PCDHGA1: variants seen among roughly 807,000 people sequenced by gnomAD.
PCDHGA1 encodes protocadherin gamma-A1.
Under a neutral mutation model 58.0 loss-of-function variants are expected in PCDHGA1, and 32 were observed. The observed-to-expected ratio is 0.55, with a 90% CI of 0.42 to 0.74. The LOEUF (loss-of-function observed/expected upper bound fraction) is 0.74, where lower values mean the gene tolerates loss of function less well. Among genes scored for constraint, PCDHGA1 ranks in the 30% least tolerant of loss-of-function variants. The pLI is 0.00. For missense variants in PCDHGA1, 1,205 were observed against 1,182.3 expected (o/e 1.02, Z -0.28); for synonymous variants, 498 against 501.1 (o/e 0.99, Z 0.08).
rs758405089 is a variant in PCDHGA1 at position 141,383,617 on chromosome 5, C to T, written c.2421+50512C>T. 5.1e-5 allele frequency: 82 copies of T among 1,613,734 alleles called. No homozygotes were observed. The Admixed American group carries it at 9.0e-4, about 18-fold the overall frequency. On this transcript the variant is annotated intron_variant, in intron 1 of 3. Coordinates refer to ENST00000517417, the MANE Select transcript of PCDHGA1 (RefSeq NM_018912.3). ...AGTGGTGGATGTGAATGACCACACG[C>T]CTGTCTTCTCTCTGCCTCAGTACCA...
chr5:141,485,466 T>C lies in PCDHGA1; in HGVS notation c.2422-9341T>C, dbSNP rs1485922901. ...ATCGACCGAGAGGCACTGTGTGGGC[T>C]CAGTGCCAGCTGCATCGTGCCCCTG... On this transcript the variant is annotated intron_variant, in intron 1 of 3. Transcript: ENST00000517417. The surrounding 1 kb of genome is among the most constrained non-coding windows in gnomAD (Gnocchi z 5.7). 6.2e-7 allele frequency: 1 copy of C among 1,613,868 alleles called. No individual in the cohort carries two copies. Among genetic ancestry groups the C allele is most frequent in the Non-Finnish European group, 8.5e-7 (1 of 1,179,924 alleles).
In PCDHGA1 at chr5:141,380,794, G is replaced by A. The variant is rs116753480; in HGVS notation, c.2421+47689G>A. ...AGACTTTTTTAAAACAGTAGAATAA[G>A]AAACAAATGTGAGATGAAACTATGA... On this transcript the variant is annotated intron_variant, in intron 1 of 3. Transcript: ENST00000517417. Among the ~76,000 whole-genome samples, 564 of 152,260 alleles carry A rather than the reference G, an allele frequency of 3.7e-3. 3 individuals are homozygous for A. The highest frequency in any genetic ancestry group is 0.013 in the African/African-American group (534 of 41,542).
At position 141,485,682 on chromosome 5, in the gene PCDHGA1, A is replaced by T. The variant is rs779441999; in HGVS notation, c.2422-9125A>T. 6.2e-7 allele frequency: 1 copy of T among 1,613,958 alleles called. No individual in the cohort carries two copies. Among genetic ancestry groups the T allele is most frequent in the Non-Finnish European group, 8.5e-7 (1 of 1,179,972 alleles). On this transcript the variant is annotated intron_variant, in intron 1 of 3. Transcript: ENST00000517417. This position sits in a 1 kb window ranked among gnomAD's most constrained non-coding sequence, Gnocchi z 5.7. ...GTGGGGAGCAATTCGATTAGCAGCT[A>T]TAGGCTGAGCTCCAATGAACACTTT...
intron 1 of PCDHGA1, among the ~76,000 whole-genome samples, chr5:141,450,424 CTTTAA>C (rs2098679800): frequency 1.3e-5 from 2 of 152,146 alleles, no homozygotes; most frequent in East Asian, 3.9e-4. Context: ...TGTATAATGC[CTTTAA>C]TTTATATTTG....
intron 1 of PCDHGA1, among the ~76,000 whole-genome samples, chr5:141,347,396 C>T (rs1254792805): frequency 6.6e-6 from 1 of 152,026 alleles, no homozygotes; most frequent in Admixed American, 6.6e-5. Context: ...CTCAAGTGAT[C>T]TGCCCACGTC....
chr5:141,384,897 C>A, intron 1 of PCDHGA1: 1 of 1,613,922 alleles, frequency 6.2e-7, no homozygotes, highest in Non-Finnish European at 8.5e-7. Flanking sequence ...CTGTGGCTGA[C>A]AGCATCCCCG....
intron 1 of PCDHGA1, chr5:141,484,980 A>C (rs1387732109): frequency 1.7e-6 from 1 of 593,836 alleles, no homozygotes; most frequent in Admixed American, 3.1e-5. Flanking sequence ...CTGTCTGCCA[A>C]TCGGGTGGTG....
In PCDHGA1 at chr5:141,431,544, T is replaced by C. The variant is rs1409551731; in HGVS notation, c.2422-63263T>C. 1.2e-6 allele frequency: 2 copies of C among 1,614,152 alleles called. No individual in the cohort carries two copies. The highest frequency in any genetic ancestry group is 2.2e-5 in the South Asian group (2 of 91,092). ...AATCTGGCCTTGGGCACGCAGCTGC[T>C]TGTAGTCAACGCTACCGACCCTGAC... On this transcript the variant is annotated intron_variant, in intron 1 of 3. Coordinates refer to ENST00000517417, the MANE Select transcript of PCDHGA1 (RefSeq NM_018912.3). The surrounding 1 kb of genome is among the most constrained non-coding windows in gnomAD (Gnocchi z 4.8).
intron 1 of PCDHGA1, chr5:141,398,849 T>G: frequency 6.2e-7 from 1 of 1,613,874 alleles, no homozygotes; most frequent in Admixed American, 1.7e-5. Flanking sequence ...AATCCCCCGG[T>G]ATTCAACCGA....
intron 1 of PCDHGA1, chr5:141,393,401 G>C: frequency 6.2e-7 from 1 of 1,614,036 alleles, no homozygotes; most frequent in South Asian, 1.1e-5. Context: ...AGCTGGTGCT[G>C]GAGCGCGCCC....
At chr5:141,405,257 A>T (rs747554046) in intron 1 of PCDHGA1, 2 of 1,613,954 alleles carry the variant, frequency 1.2e-6, no homozygotes, top group Non-Finnish European at 1.7e-6. Flanking sequence ...GAGTCACCTG[A>T]TCTTCCCCCA....
intron 1 of PCDHGA1, among the ~76,000 whole-genome samples, chr5:141,354,179 G>A (rs1271601077): frequency 6.6e-6 from 1 of 152,076 alleles, no homozygotes; most frequent in Non-Finnish European, 1.5e-5. Context: ...ACTATTATCT[G>A]CACTTTATAG....
Position 141,492,023 on chromosome 5 carries a change from C to G in PCDHGA1, c.2422-2784C>G, listed in dbSNP as rs536734764. 1.8e-4 allele frequency: 102 copies of G among 564,804 alleles called. 3 individuals carry two copies. In the South Asian group the frequency reaches 2.8e-3, roughly 15 times the overall value. The allele number at this position is 564,804 out of a possible 1,614,324, so 35.0% of individuals were successfully genotyped here. A position where few individuals can be genotyped will look rare whatever the true frequency, so the allele number is the denominator to read the frequency against. On this transcript the variant is annotated intron_variant, in intron 1 of 3. Coordinates refer to ENST00000517417, the MANE Select transcript of PCDHGA1 (RefSeq NM_018912.3). Reference sequence around the variant, plus strand: ...CGATTTCCGCGGGTGTCGGGGGTCCCGGGAGGAGGCAGTCACAGATCCACC... The same window carrying G: ...CGATTTCCGCGGGTGTCGGGGGTCCGGGGAGGAGGCAGTCACAGATCCACC...
intron 1 of PCDHGA1, chr5:141,417,652 GCCTGGGATTC>G: frequency 2.4e-6 from 2 of 840,506 alleles, no homozygotes; most frequent in Non-Finnish European, 3.5e-6. Context: ...TCAGCCTCTA[GCCTGGGATTC>G]CCTGCGCAGC....
intron 1 of PCDHGA1, chr5:141,391,145 G>A (rs1212141265): frequency 6.6e-6 from 1 of 152,000 alleles, no homozygotes; most frequent in African/African-American, 2.4e-5. Flanking sequence ...CTACCTCTAG[G>A]AAAGAAATAT....
chr5:141,394,868 C>G lies in PCDHGA1; in HGVS notation c.2421+61763C>G, dbSNP rs1159006718. On this transcript the variant is annotated intron_variant, in intron 1 of 3. Coordinates refer to ENST00000517417, the MANE Select transcript of PCDHGA1 (RefSeq NM_018912.3). ...GTCTGAAGCCTTCGGTCGACCCGAA[C>G]GATTCGAGCCTTACACTCTATCTCG... The G allele has an allele frequency of 1.7e-5, 27 of 1,613,710 alleles. No homozygotes were observed. In the African/African-American group the frequency reaches 1.7e-4, roughly 10 times the overall value.
In PCDHGA1 at chr5:141,367,047, A is replaced by G. The variant is rs866542840; in HGVS notation, c.2421+33942A>G. Reference sequence around the variant, plus strand: ...ATTGGAACTGCAGTTCTATTAATAGAAAAGATGTTTTATTTATTCAAATTG... The same window carrying G: ...ATTGGAACTGCAGTTCTATTAATAGGAAAGATGTTTTATTTATTCAAATTG... On this transcript the variant is annotated intron_variant, in intron 1 of 3. Coordinates refer to ENST00000517417, the MANE Select transcript of PCDHGA1 (RefSeq NM_018912.3). 8 of 336,290 alleles carry G rather than the reference A, an allele frequency of 2.4e-5. No individual in the cohort carries two copies. In the Middle Eastern group the frequency reaches 2.8e-3, roughly 116 times the overall value. 20.8% of individuals were successfully genotyped at this position (336,290 alleles called of 1,614,324 possible).
At chr5:141,442,837 A>G (rs2098346617) in intron 1 of PCDHGA1, among the ~76,000 whole-genome samples, 1 of 152,202 alleles carries the variant, frequency 6.6e-6, no homozygotes, top group Admixed American at 6.5e-5. Flanking sequence ...GGGAGGGACA[A>G]ATCTTGGCCA....
Position 141,366,210 on chromosome 5 carries a change from G to A in PCDHGA1, c.2421+33105G>A, listed in dbSNP as rs374658125. 81 of 1,613,800 alleles carry A rather than the reference G, an allele frequency of 5.0e-5. 1 individual carries two copies. The African/African-American group carries it at 9.2e-4, about 18-fold the overall frequency. On this transcript the variant is annotated intron_variant, in intron 1 of 3. Coordinates refer to ENST00000517417, the MANE Select transcript of PCDHGA1 (RefSeq NM_018912.3). The stretch of plus-strand genomic sequence containing the variant: ...GTTGGGCTGCACACGGGCGAGGTGC[G>A]CACAGCGCGAGCCCTGCTGGACAGA...
Sources: allele counts gnomAD v4.1 joint callset (sites outside exome capture counted in the v4.1 genomes callset), GRCh38; gene constraint gnomAD v4.1.1; non-coding constraint Gnocchi (gnomAD v3.1); transcripts MANE v1.5; gene names NCBI Gene and HGNC (gene_info 2026-07-23, HGNC 2026-07-21).